Variants in IRAG2 observed in about 807,000 individuals in gnomAD.
IRAG2 encodes lymphoid restricted membrane protein.
Under a neutral mutation model 69.9 loss-of-function variants are expected in IRAG2, and 45 were observed. That is an observed-to-expected ratio of 0.64 (90% CI 0.51 to 0.83). The LOEUF (loss-of-function observed/expected upper bound fraction) is 0.83. Among genes scored for constraint, IRAG2 ranks in the 40% least tolerant of loss-of-function variants. IRAG2 has a pLI of 0.00. For synonymous variants in IRAG2, 193 were observed against 202.4 expected, an observed-to-expected ratio of 0.95 and a Z score of 0.40; for missense variants, 520 against 587.0, an observed-to-expected ratio of 0.89 and a Z score of 1.18.
At chr12:25,058,335 A>G (rs1255041621) in intron 1 of IRAG2, among the ~76,000 whole-genome samples, 3 of 152,170 alleles carry the variant, frequency 2.0e-5, no homozygotes, top group Non-Finnish European at 2.9e-5. Context: ...TTCAGATGTA[A>G]TGATGTTGGG....
intron 6 of IRAG2, among the ~76,000 whole-genome samples, chr12:25,076,161 A>T (rs948097076): frequency 1.3e-5 from 2 of 152,160 alleles, no homozygotes; most frequent in African/African-American, 4.8e-5. Context: ...AAAACTTAGG[A>T]TTGGGATATG....
chr12:25,103,630 TAATC>T (rs1948875925), intron 17 of IRAG2: 1 of 526,266 alleles, frequency 1.9e-6, no homozygotes, highest in Non-Finnish European at 3.3e-6. Context: ...TAAATTATAA[TAATC>T]CAACATTGAG....
chr12:25,026,683 G>C (rs1051560869), intron 8 of IRAG2: 1 of 449,456 alleles, frequency 2.2e-6, no homozygotes. Flanking sequence ...AAGATAAAAA[G>C]GCAATACTGA....
chr12:25,063,940 T>G (rs1945797896), intron 4 of IRAG2, 124 bp downstream of exon 4: 1 of 394,978 alleles, frequency 2.5e-6, no homozygotes, highest in African/African-American at 2.1e-5. Context: ...TATTTACCCC[T>G]GAATTCAGTC....
chr12:25,080,876 C>T (rs73284742), intron 9 of IRAG2, among the ~76,000 whole-genome samples: 3,772 of 152,200 alleles, frequency 0.025, 143 homozygotes, highest in African/African-American at 0.077. Context: ...TTTGATTACA[C>T]TCTGTTGGTA....
rs1311523208 is a variant in IRAG2, at chr12:25,108,054, A to G, written c.1494A>G (p.Pro498=). 6.2e-7 allele frequency: 1 copy of G among 1,613,438 alleles called. No individual in the cohort carries two copies. The highest frequency in any genetic ancestry group is 8.5e-7 in the Non-Finnish European group (1 of 1,179,408). ...FTRLRHNGPP[P]V ...GACTCCGACACAATGGGCCACCACC[A>G]GTGTGACAGCAGGACATCCTAATAT... The change falls in exon 22 of 22, where the codon CCA becomes CCG. Residue 498 remains proline, a synonymous_variant. Coordinates refer to ENST00000556887, the MANE Select transcript of IRAG2 (RefSeq NM_001366544.2).
At chr12:25,104,232 T>A (rs12828225) in intron 19 of IRAG2, 129 bp from the exon 20 acceptor site, 373,512 of 823,428 alleles carry the variant, frequency 0.45, 90,562 homozygotes, top group East Asian at 0.77. Flanking sequence ...AAGTAGGAGA[T>A]CTGTGAATGT....
At chr12:25,077,149 G>A (rs970249646) in intron 6 of IRAG2, among the ~76,000 whole-genome samples, 1 of 112,274 alleles carries the variant, frequency 8.9e-6, no homozygotes, top group African/African-American at 3.2e-5. Context: ...GATTGCAGGC[G>A]TGTGCCACCG....
chr12:25,077,494 AT>A (rs1428970330), intron 6 of IRAG2, among the ~76,000 whole-genome samples: 2 of 150,832 alleles, frequency 1.3e-5, no homozygotes, highest in East Asian at 3.9e-4. Context: ...CGTAACTACA[AT>A]TTAAGGTACA....
At chr12:25,023,018 C>T (rs759529010) in intron 7 of IRAG2, among the ~76,000 whole-genome samples, 8 of 151,228 alleles carry the variant, frequency 5.3e-5, no homozygotes, top group South Asian at 2.1e-4. Flanking sequence ...TCTGGCTACT[C>T]GGGAGGCTGA....
intron 16 of IRAG2, among the ~76,000 whole-genome samples, chr12:25,042,743 G>A (rs908150874): frequency 6.6e-5 from 10 of 151,600 alleles, no homozygotes; most frequent in African/African-American, 2.2e-4. Flanking sequence ...GGGATTATAG[G>A]CATGAACCAC....
intron 6 of IRAG2, among the ~76,000 whole-genome samples, chr12:25,077,357 A>ATC (rs1946870294): frequency 9.2e-5 from 1 of 10,872 alleles, no homozygotes; most frequent in Non-Finnish European, 2.5e-4. Flanking sequence ...TATATGATAT[A>ATC]TATGATATAT....
chr12:25,095,448 A>T (rs1286666690), intron 14 of IRAG2, among the ~76,000 whole-genome samples: 1 of 152,106 alleles, frequency 6.6e-6, no homozygotes, highest in Non-Finnish European at 1.5e-5. Context: ...TATTATATTG[A>T]TTGGTTTTCA....
chr12:25,055,863 T>C (rs11047789), intron 1 of IRAG2, among the ~76,000 whole-genome samples: 2,399 of 152,296 alleles, frequency 0.016, 64 homozygotes, highest in African/African-American at 0.054. Context: ...ACAGAAATCA[T>C]GGACTAATTG....
chr12:25,065,985 A>T (rs1211326036), intron 4 of IRAG2, among the ~76,000 whole-genome samples: 2 of 152,170 alleles, frequency 1.3e-5, no homozygotes, highest in African/African-American at 4.8e-5. Flanking sequence ...GAAACTTTAC[A>T]AAAACAGGCA....
intron 6 of IRAG2, among the ~76,000 whole-genome samples, chr12:25,073,668 T>TCAA (rs1946473858): frequency 1.3e-5 from 2 of 152,246 alleles, no homozygotes; most frequent in Non-Finnish European, 2.9e-5. Flanking sequence ...TTTGGAGCCC[T>TCAA]GTTTGGGACA....
At chr12:25,024,765 G>A (rs1016372266) in intron 8 of IRAG2, among the ~76,000 whole-genome samples, 2 of 152,176 alleles carry the variant, frequency 1.3e-5, no homozygotes, top group African/African-American at 4.8e-5. Context: ...AGCTGGTATA[G>A]CCACAAGGCC....
Position 25,067,895 on chromosome 12 carries a change from C to T in IRAG2, c.-59+1383C>T, listed in dbSNP as rs902680399. On this transcript the variant is annotated intron_variant, in intron 5 of 21. Coordinates refer to ENST00000556887, the MANE Select transcript of IRAG2 (RefSeq NM_001366544.2). ...TCACTCTGTTGCCCAGGCTGGAGTG[C>T]AGTGGCATGATCTCGGCTCACTGCA... 4.6e-5 allele frequency among the ~76,000 whole-genome samples: 7 copies of T among 152,012 alleles called. No homozygotes were observed. The South Asian group carries it at 1.0e-3, about 23-fold the overall frequency.
At chr12:24,999,356 G>T (rs1944374170), upstream of IRAG2, among the ~76,000 whole-genome samples, 1 of 152,150 alleles carries the variant, frequency 6.6e-6, no homozygotes, top group Non-Finnish European at 1.5e-5. Context: ...TTTACTTGTT[G>T]CTTTATAGTT....
Sources: allele counts gnomAD v4.1 joint callset (sites outside exome capture counted in the v4.1 genomes callset), GRCh38; gene constraint gnomAD v4.1.1; transcripts MANE v1.5; gene names NCBI Gene and HGNC (gene_info 2026-07-23, HGNC 2026-07-21).